Variants in ARK2C observed in about 807,000 individuals in gnomAD.
The protein encoded by ARK2C is arkadia (RNF111) C-terminal like ring finger ubiquitin ligase 2C.
the ARK2C span, among the ~76,000 whole-genome samples, chr18:46,391,151 C>T: frequency 3.9e-5 from 6 of 152,166 alleles, no homozygotes; most frequent in Admixed American, 1.3e-4. Context: ...AAACAGGGTT[C>T]GCCACTTCGC....
At chr18:46,350,466 G>T in the ARK2C span, among the ~76,000 whole-genome samples, 33 of 152,302 alleles carry the variant, frequency 2.2e-4, no homozygotes, top group Non-Finnish European at 3.5e-4. Context: ...CATGAGAGAA[G>T]GGAGCGCTGA....
At chr18:46,346,133 G>A in the ARK2C span, among the ~76,000 whole-genome samples, 1 of 152,214 alleles carries the variant, frequency 6.6e-6, no homozygotes, top group Admixed American at 6.5e-5. Flanking sequence ...GGCAGAGAGA[G>A]AAGGGATGGC....
At chr18:46,334,672 G>A in the ARK2C span, 1 of 180,658 alleles carries the variant, frequency 5.5e-6, no homozygotes, top group Non-Finnish European at 9.4e-6. This position sits in a 1 kb window ranked among gnomAD's most constrained non-coding sequence, Gnocchi z 4.4. Flanking sequence ...ATACATGACC[G>A]TGTGTGTGTG....
At chr18:46,385,411 T>G in the ARK2C span, among the ~76,000 whole-genome samples, 4 of 152,182 alleles carry the variant, frequency 2.6e-5, no homozygotes. Context: ...TGTGCATATG[T>G]GTGCAGGGAG....
At chr18:46,357,881 T>G in the ARK2C span, among the ~76,000 whole-genome samples, 1 of 152,304 alleles carries the variant, frequency 6.6e-6, no homozygotes, top group South Asian at 2.1e-4. Flanking sequence ...CCAGGGAAGA[T>G]TCCTTCCTCA....
At chr18:46,345,282 T>C in the ARK2C span, among the ~76,000 whole-genome samples, 1 of 152,092 alleles carries the variant, frequency 6.6e-6, no homozygotes, top group Admixed American at 6.5e-5. Context: ...TCATCTGGGG[T>C]GAGGGGGCAG....
the ARK2C span, among the ~76,000 whole-genome samples, chr18:46,437,618 C>T: frequency 3.9e-5 from 6 of 152,166 alleles, no homozygotes; most frequent in African/African-American, 1.4e-4. Flanking sequence ...TAACCCAACC[C>T]AAGCAGCTTC....
At chr18:46,449,004 T>C in the ARK2C span, among the ~76,000 whole-genome samples, 2 of 152,184 alleles carry the variant, frequency 1.3e-5, no homozygotes, top group South Asian at 2.1e-4. Flanking sequence ...GCTTTGTGTA[T>C]GAAGCACCAT....
chr18:46,341,009 C>T, the ARK2C span, among the ~76,000 whole-genome samples: 2 of 152,118 alleles, frequency 1.3e-5, no homozygotes, highest in Non-Finnish European at 2.9e-5. Context: ...ACAGAAAGTA[C>T]GTAGCAGGAG....
the ARK2C span, among the ~76,000 whole-genome samples, chr18:46,432,924 G>C: frequency 6.6e-6 from 1 of 152,162 alleles, no homozygotes. Flanking sequence ...CAGCCTGGGC[G>C]ACAGAGCGAG....
chr18:46,356,181 A>G, the ARK2C span, among the ~76,000 whole-genome samples: 1 of 152,204 alleles, frequency 6.6e-6, no homozygotes, highest in Non-Finnish European at 1.5e-5. Flanking sequence ...CTTATTGTCC[A>G]TTTATTCATT....
the ARK2C span, among the ~76,000 whole-genome samples, chr18:46,436,256 TTG>T: frequency 3.3e-5 from 5 of 151,902 alleles, no homozygotes; most frequent in South Asian, 8.4e-4. Flanking sequence ...TCACAGAGGA[TTG>T]TGTGTGGGTA....
At chr18:46,406,223 CT>C in the ARK2C span, among the ~76,000 whole-genome samples, 1 of 152,202 alleles carries the variant, frequency 6.6e-6, no homozygotes, top group Non-Finnish European at 1.5e-5. Flanking sequence ...CCCAATAGCT[CT>C]TGTTGCATTG....
chr18:46,401,339 T>C, the ARK2C span, among the ~76,000 whole-genome samples: 3 of 152,274 alleles, frequency 2.0e-5, no homozygotes, highest in Non-Finnish European at 2.9e-5. Flanking sequence ...CCCCTATTTC[T>C]CCCATCACCA....
chr18:46,411,006 T>C, the ARK2C span, among the ~76,000 whole-genome samples: 21 of 152,220 alleles, frequency 1.4e-4, no homozygotes, highest in Admixed American at 1.4e-3. Flanking sequence ...TCTGGGGAAG[T>C]TGCTGAGATG....
At chr18:46,439,186 C>T in the ARK2C span, among the ~76,000 whole-genome samples, 8 of 152,192 alleles carry the variant, frequency 5.3e-5, no homozygotes, top group African/African-American at 1.4e-4. Context: ...CTCTCATGAG[C>T]GTAACCCAGG....
the ARK2C span, among the ~76,000 whole-genome samples, chr18:46,403,266 GC>G: frequency 2.0e-5 from 3 of 152,168 alleles, no homozygotes; most frequent in African/African-American, 7.2e-5. Flanking sequence ...GACCTGATAA[GC>G]ATGACTTTTA....
chr18:46,365,759 T>C, the ARK2C span, among the ~76,000 whole-genome samples: 1 of 152,154 alleles, frequency 6.6e-6, no homozygotes, highest in Admixed American at 6.5e-5. Context: ...TGCCTTGGCC[T>C]CCCAAAGTGG....
At chr18:46,446,346 A>G in the ARK2C span, among the ~76,000 whole-genome samples, 1 of 152,180 alleles carries the variant, frequency 6.6e-6, no homozygotes, top group Admixed American at 6.5e-5. Flanking sequence ...TAAGAAAAGA[A>G]AGGCTCTTTT....
Sources: allele counts gnomAD v4.1 joint callset (sites outside exome capture counted in the v4.1 genomes callset), GRCh38; gene constraint gnomAD v4.1.1; non-coding constraint Gnocchi (gnomAD v3.1); transcripts MANE v1.5; gene names NCBI Gene and HGNC (gene_info 2026-07-23, HGNC 2026-07-21).